Variants in TRPV5 observed in about 807,000 individuals in gnomAD.
TRPV5 encodes the protein calcium transport protein 2.
In TRPV5, 66 loss-of-function variants were observed where a neutral mutation model predicts 74.1. The ratio of observed to expected loss-of-function variants is 0.89; its 90% CI spans 0.73 to 1.09. The LOEUF is 1.09. Ranked by LOEUF, TRPV5 falls within the 50% of genes least tolerant of loss-of-function variation. TRPV5 has a pLI of 0.00. For missense variants in TRPV5, 936 were observed against 930.4 expected (o/e 1.01, Z -0.08); for synonymous variants, 399 against 360.7 (o/e 1.11, Z -1.20).
At chr7:142,923,057 A>G (rs1187035218) in intron 8 of TRPV5, among the ~76,000 whole-genome samples, 2 of 152,202 alleles carry the variant, frequency 1.3e-5, no homozygotes, top group Admixed American at 6.5e-5. Context: ...GCCAGATATT[A>G]AACTAGAAAG....
At chr7:142,932,778 A>G (rs1056786676) in intron 1 of TRPV5, among the ~76,000 whole-genome samples, 1 of 152,090 alleles carries the variant, frequency 6.6e-6, no homozygotes, top group Non-Finnish European at 1.5e-5. Context: ...TGTCATTGGG[A>G]TCTAACACCC....
chr7:142,909,409 G>A, intron 14 of TRPV5, 81 bp downstream of exon 14: 4 of 1,472,834 alleles, frequency 2.7e-6, no homozygotes, highest in Non-Finnish European at 3.8e-6. Flanking sequence ...GCTAATGTAG[G>A]CTCCAGGACG....
intron 12 of TRPV5, 90 bp from the exon 13 acceptor site, chr7:142,912,840 C>T: frequency 1.3e-6 from 1 of 755,366 alleles, no homozygotes; most frequent in Non-Finnish European, 2.1e-6. Context: ...TATCTCTGAT[C>T]TATCTATCTA....
chr7:142,925,505 T>C, intron 8 of TRPV5, 24 bp downstream of exon 8: 1 of 1,612,230 alleles, frequency 6.2e-7, no homozygotes, highest in African/African-American at 1.3e-5. Flanking sequence ...CAATTCTCTC[T>C]CATCCCCTTC....
At chr7:142,921,374 C>T (rs1375131223) in intron 8 of TRPV5, among the ~76,000 whole-genome samples, 1 of 152,150 alleles carries the variant, frequency 6.6e-6, no homozygotes, top group African/African-American at 2.4e-5. Context: ...CTCTGACTCC[C>T]ACGTTCAAGC....
At chr7:142,922,148 G>T (rs1309408028) in intron 8 of TRPV5, among the ~76,000 whole-genome samples, 1 of 152,200 alleles carries the variant, frequency 6.6e-6, no homozygotes, top group African/African-American at 2.4e-5. Context: ...CCAGTCTGTA[G>T]ACTCCAAGAA....
chr7:142,912,836 T>G, intron 12 of TRPV5, 86 bp from the exon 13 acceptor site: 5 of 931,962 alleles, frequency 5.4e-6, no homozygotes, highest in Non-Finnish European at 7.8e-6. Flanking sequence ...ATTCTATCTC[T>G]GATCTATCTA....
chr7:142,924,389 T>C lies in TRPV5; in HGVS notation c.1122+1140A>G, dbSNP rs190697359. On this transcript the variant is annotated intron_variant, in intron 8 of 14. Transcript: ENST00000265310. The stretch of plus-strand genomic sequence containing the variant: ...GTATATATATACATATATATATATA[T>C]ATACATATACATGTATATATATAAA... Among the ~76,000 whole-genome samples, 21 of 124,518 alleles carry C rather than the reference T, an allele frequency of 1.7e-4. 2 individuals are homozygous for C. The highest frequency in any genetic ancestry group is 2.7e-4 in the Non-Finnish European group (17 of 63,398). The allele number at this position is 124,518 out of a possible 152,430, so 81.7% of individuals were successfully genotyped here. A position where few individuals can be genotyped will look rare whatever the true frequency, so the allele number is the denominator to read the frequency against.
intron 12 of TRPV5, 29 bp downstream of exon 12, chr7:142,914,611 A>G: frequency 6.3e-7 from 1 of 1,596,780 alleles, no homozygotes; most frequent in East Asian, 2.2e-5. Context: ...AGATCTGCTG[A>G]TCTAGTAGAG....
Position 142,908,635 on chromosome 7 carries a change from C to T in TRPV5, c.2069G>A (p.Arg690Gln), listed in dbSNP as rs746349609. ...GTGACTGCTGCTCTGGGACGCGGTC[C>T]GGGACAGGGAGGAAGTTGGAAGAGC... is the stretch of plus-strand genomic sequence containing the variant. ...SLALPTSSLSRTASQSSSHRG... is the reference protein window; with the variant it reads ...SLALPTSSLSQTASQSSSHRG... The change falls in exon 15 of 15, where the codon CGG becomes CAG. Residue 690 changes from arginine to glutamine, a missense_variant. Physicochemically the swap from Arg to Gln is conservative, Grantham distance 43. Coordinates refer to ENST00000265310, the MANE Select transcript of TRPV5 (RefSeq NM_019841.7). The T allele has an allele frequency of 2.0e-5, 32 of 1,614,078 alleles. No individual in the cohort carries two copies. The highest frequency in any genetic ancestry group is 1.3e-4 in the East Asian group (6 of 44,886).
At chr7:142,921,570 G>A (rs4252452) in intron 8 of TRPV5, among the ~76,000 whole-genome samples, 5,938 of 152,090 alleles carry the variant, frequency 0.039, 393 homozygotes, top group African/African-American at 0.13. Context: ...CTGAGCCACC[G>A]TGCCCAGCCA....
rs796331457 is a variant in TRPV5 at position 142,908,189 on chromosome 7, T to G, written c.*325A>C. 1.0e-5 allele frequency: 4 copies of G among 381,236 alleles called. No homozygotes were observed. In the Admixed American group the frequency reaches 1.7e-4, roughly 16 times the overall value. The allele number at this position is 381,236 out of a possible 1,614,324, so 23.6% of individuals were successfully genotyped here. ...CCAGAAAAGCCTCACAGCTTACTAC[T>G]TTCTAGGGGCTGCGTGGGGCAGAAG... On this transcript the variant is annotated 3_prime_UTR_variant, in exon 15 of 15. Coordinates refer to ENST00000265310, the MANE Select transcript of TRPV5 (RefSeq NM_019841.7).
chr7:142,919,188 G>A (rs1218546600), intron 8 of TRPV5, among the ~76,000 whole-genome samples: 1 of 152,224 alleles, frequency 6.6e-6, no homozygotes, highest in Non-Finnish European at 1.5e-5. Context: ...GGGCTGCTGT[G>A]TATTGACAGC....
In TRPV5 at chr7:142,928,879, C is replaced by T. The variant is rs1048374943; in HGVS notation, c.587-13G>A. 2.5e-6 allele frequency: 4 copies of T among 1,613,464 alleles called. No homozygotes were observed. The highest frequency in any genetic ancestry group is 3.4e-6 in the Non-Finnish European group (4 of 1,179,736). ...AATACTGTGTTTCCTGGGGAGGACG[C>T]AGGGTATCATGTGGCCACTGGCCTA... On this transcript the variant is annotated splice_polypyrimidine_tract_variant and intron_variant, in intron 5 of 14. Transcript: ENST00000265310.
chr7:142,922,330 A>G (rs752268048), intron 8 of TRPV5, among the ~76,000 whole-genome samples: 11 of 152,200 alleles, frequency 7.2e-5, no homozygotes, highest in Non-Finnish European at 1.3e-4. Context: ...CTTTTTCAAA[A>G]GTCAAAAAGG....
At chr7:142,919,435 G>A (rs1297132323) in intron 8 of TRPV5, among the ~76,000 whole-genome samples, 3 of 152,244 alleles carry the variant, frequency 2.0e-5, no homozygotes, top group African/African-American at 7.2e-5. Flanking sequence ...CAGGAAGCGG[G>A]GATGGAGAGA....
chr7:142,924,332 A>C, intron 8 of TRPV5, among the ~76,000 whole-genome samples: 1 of 5,594 alleles, frequency 1.8e-4, no homozygotes, highest in Admixed American at 2.6e-3. Flanking sequence ...ACATGTATAT[A>C]TATACATATA....
chr7:142,911,115 GGA>G (rs1175081231), intron 13 of TRPV5, among the ~76,000 whole-genome samples: 3 of 152,144 alleles, frequency 2.0e-5, no homozygotes, highest in African/African-American at 7.2e-5. Context: ...TGGGGCCCTC[GGA>G]GCTGCGTGTT....
chr7:142,913,418 C>T (rs907090801), intron 12 of TRPV5, among the ~76,000 whole-genome samples: 7 of 152,192 alleles, frequency 4.6e-5, no homozygotes, highest in Non-Finnish European at 8.8e-5. Flanking sequence ...CAAAGCATTG[C>T]CTCCTTATTT....
Sources: gnomAD v4.1 joint callset for allele counts (sites outside exome capture counted in the v4.1 genomes callset) on GRCh38, gnomAD v4.1.1 for gene constraint, MANE v1.5 for transcripts, NCBI Gene and HGNC (gene_info 2026-07-23, HGNC 2026-07-21) for gene names.